The following COX7A2L variants were observed in gnomAD, a reference collection of about 807,000 sequenced individuals.
COX7A2L encodes cytochrome c oxidase subunit 7A2 like, also known as cytochrome c oxidase subunit 7A2-like, mitochondrial.
A neutral mutation model predicts 14.2 loss-of-function variants in COX7A2L; 18 were observed. The ratio of observed to expected loss-of-function variants is 1.27; its 90% CI spans 0.88 to 1.88. The LOEUF (loss-of-function observed/expected upper bound fraction) is 1.88. COX7A2L is among the 40% of genes most tolerant of loss of function. The pLI is 0.00. For missense variants in COX7A2L, 179 were observed against 138.8 expected, an observed-to-expected ratio of 1.29 and a Z score of -1.46; for synonymous variants, 65 against 57.4, an observed-to-expected ratio of 1.13 and a Z score of -0.60.
downstream of COX7A2L, among the ~76,000 whole-genome samples, chr2:42,347,231 G>A (rs866530356): frequency 2.0e-5 from 3 of 151,294 alleles, no homozygotes; most frequent in Middle Eastern, 3.5e-3. Flanking sequence ...CAAAAAGTTT[G>A]GTAATATTTT....
In COX7A2L at chr2:42,350,457, C is replaced by G. The variant is rs889387357; in HGVS notation, c.*762G>C. 3.3e-5 allele frequency: 5 copies of G among 152,198 alleles called. No homozygotes were observed. The highest frequency in any genetic ancestry group is 7.3e-5 in the Non-Finnish European group (5 of 68,044). 9.4% of individuals were successfully genotyped at this position (152,198 alleles called of 1,614,324 possible). A position where few individuals can be genotyped will look rare whatever the true frequency, so the allele number is the denominator to read the frequency against. Reference sequence around the variant, plus strand: ...TCAGGTTTAAGATGCTGCTGGTGTTCTGAAATTACTCTGAAAGGTCATTCA... The same window carrying G: ...TCAGGTTTAAGATGCTGCTGGTGTTGTGAAATTACTCTGAAAGGTCATTCA... On this transcript the variant is annotated 3_prime_UTR_variant, in exon 3 of 3. Coordinates refer to ENST00000234301, the MANE Select transcript of COX7A2L (RefSeq NM_004718.4).
intron 2 of COX7A2L, among the ~76,000 whole-genome samples, chr2:42,340,927 T>C (rs555618011): frequency 1.3e-5 from 2 of 152,220 alleles, no homozygotes; most frequent in South Asian, 4.1e-4. Context: ...GGGCAAATGG[T>C]CGGCACCTCT....
At chr2:42,347,125 A>G (rs1670513338), downstream of COX7A2L, among the ~76,000 whole-genome samples, 2 of 152,170 alleles carry the variant, frequency 1.3e-5, no homozygotes. Flanking sequence ...TCAGCCTCCC[A>G]ACATGCTGGG....
At chr2:42,343,285 A>C (rs6739976) in intron 2 of COX7A2L, among the ~76,000 whole-genome samples, 73,344 of 152,070 alleles carry the variant, frequency 0.48, 18,222 homozygotes, top group East Asian at 0.74. Context: ...TTCCTCAATA[A>C]CAAGGCCGTT....
chr2:42,345,744 T>A (rs1282349472), downstream of COX7A2L, among the ~76,000 whole-genome samples: 1 of 152,148 alleles, frequency 6.6e-6, no homozygotes, highest in Non-Finnish European at 1.5e-5. Flanking sequence ...CTTGTGTGGG[T>A]ACCCCATGAA....
rs1670341503 is a variant in COX7A2L, at chr2:42,338,812, G to C, written c.193-4943C>G. 6.6e-6 allele frequency among the ~76,000 whole-genome samples: 1 copy of C among 152,224 alleles called. No individual in the cohort carries two copies. The highest frequency in any genetic ancestry group is 2.1e-4 in the South Asian group (1 of 4,836). ...TTTCCAGTGAGTGGAGGTGGGTTTA[G>C]GTGTTATCTGTGCGGCAGAGGTACC... On this transcript the variant is annotated intron_variant, in intron 2 of 2. Transcript: ENST00000468711. The surrounding 1 kb of genome is among the most constrained non-coding windows in gnomAD (Gnocchi z 4.4).
rs2103883521 is a variant in COX7A2L at position 42,349,397 on chromosome 2, CAT to C, written c.*1820_*1821del. ...ATGAAATGTCCAGGAAAGACAAATCCATAGAGACTGAAAGTAGATGAGTGCTT... is the reference window on the plus strand; with the variant it reads ...ATGAAATGTCCAGGAAAGACAAATCCAGAGACTGAAAGTAGATGAGTGCTT... On this transcript the variant is annotated 3_prime_UTR_variant, in exon 3 of 3. Coordinates refer to ENST00000234301, the MANE Select transcript of COX7A2L (RefSeq NM_004718.4). 6.6e-6 allele frequency: 1 copy of C among 152,218 alleles called. No individual in the cohort carries two copies. Among genetic ancestry groups the C allele is most frequent in the African/African-American group, 2.4e-5 (1 of 41,528 alleles). 9.4% of individuals were successfully genotyped at this position (152,218 alleles called of 1,614,324 possible).
intron 1 of COX7A2L, among the ~76,000 whole-genome samples, chr2:42,367,510 T>C (rs1671188524): frequency 1.3e-5 from 2 of 152,090 alleles, no homozygotes; most frequent in Non-Finnish European, 2.9e-5. Context: ...GAGGAAGTTA[T>C]CAATCAGTGA....
chr2:42,351,433 A>C (rs992113063), intron 2 of COX7A2L, 74 bp from the exon 3 acceptor site: 20 of 1,552,176 alleles, frequency 1.3e-5, no homozygotes, highest in Non-Finnish European at 1.7e-5. Flanking sequence ...AAAAATAACA[A>C]ATTTGTCTAC....
downstream of COX7A2L, among the ~76,000 whole-genome samples, chr2:42,345,898 C>A (rs1184838797): frequency 2.6e-5 from 4 of 152,138 alleles, no homozygotes; most frequent in Admixed American, 2.6e-4. Flanking sequence ...CTCATCCAGA[C>A]AGCACTGAGA....
In COX7A2L at chr2:42,353,221, C is replaced by G. The variant is rs746499613; in HGVS notation, c.195G>C (p.Lys65Asn). 3 of 1,613,882 alleles carry G rather than the reference C, an allele frequency of 1.9e-6. No individual in the cohort carries two copies. In the South Asian group the frequency reaches 3.3e-5, roughly 18 times the overall value. ...AGKNKVPELQ[K>N]FFQKADGVPV... is the part of the protein sequence containing the mutation. ...GAGTATCTTCCCTCACCTGGAAAAA[C>G]TTTTGTAGCTCTGGAACTTTGTTTT... The change falls in exon 2 of 3, where the codon AAG becomes AAC. Residue 65 changes from lysine to asparagine, a missense_variant. Lys to Asn is a moderately conservative substitution (Grantham distance 94, BLOSUM62 0). Coordinates refer to ENST00000234301, the MANE Select transcript of COX7A2L (RefSeq NM_004718.4).
At chr2:42,365,873 C>T (rs1008704975), upstream of COX7A2L, 1 of 152,088 alleles carries the variant, frequency 6.6e-6, no homozygotes, top group Non-Finnish European at 1.5e-5. Context: ...TTCTTCCTAG[C>T]GCTGTTGGAG....
At chr2:42,365,914 G>C (rs1558639094), upstream of COX7A2L, 1 of 152,092 alleles carries the variant, frequency 6.6e-6, no homozygotes, top group Non-Finnish European at 1.5e-5. Flanking sequence ...AAATGAATAA[G>C]AACAAACATA....
chr2:42,347,028 C>G (rs997304995), downstream of COX7A2L, among the ~76,000 whole-genome samples: 6 of 152,064 alleles, frequency 3.9e-5, no homozygotes, highest in African/African-American at 1.2e-4. Context: ...TCTCCTGCCT[C>G]AGCCCTTTTT....
At chr2:42,357,468 C>A (rs1670859959) in intron 1 of COX7A2L, among the ~76,000 whole-genome samples, 1 of 152,080 alleles carries the variant, frequency 6.6e-6, no homozygotes. Flanking sequence ...TTCACCATAC[C>A]CAGCTAATTT....
In COX7A2L at chr2:42,342,279, T is replaced by A. The variant is rs1048039371; in HGVS notation, c.193-8410A>T. On this transcript the variant is annotated intron_variant, in intron 2 of 2. Transcript: ENST00000468711. This position sits in a 1 kb window ranked among gnomAD's most constrained non-coding sequence, Gnocchi z 4.9. ...CCTGCCTCTTCCACCCTAGCCTAGC[T>A]GCCCTTCCCTGCTCTCTCCCTCTCC... 1.3e-5 allele frequency among the ~76,000 whole-genome samples: 2 copies of A among 152,106 alleles called. No individual in the cohort carries two copies. The highest frequency in any genetic ancestry group is 4.8e-5 in the African/African-American group (2 of 41,428).
At position 42,338,593 on chromosome 2, in the gene COX7A2L, C is replaced by T. The variant is rs1278986890; in HGVS notation, c.193-4724G>A. Among the ~76,000 whole-genome samples the T allele has an allele frequency of 2.0e-5, 3 of 152,074 alleles. No homozygotes were observed. Among genetic ancestry groups the T allele is most frequent in the African/African-American group, 7.2e-5 (3 of 41,382 alleles). On this transcript the variant is annotated intron_variant, in intron 2 of 2. Coordinates refer to the COX7A2L transcript ENST00000468711. This position sits in a 1 kb window ranked among gnomAD's most constrained non-coding sequence, Gnocchi z 4.4. Reference sequence around the variant, plus strand: ...GATGATTAATTATGAACCAAGAATCCCCCCGATAGGACTCAGCCCCCACCA... The same window carrying T: ...GATGATTAATTATGAACCAAGAATCTCCCCGATAGGACTCAGCCCCCACCA...
At position 42,353,200 on chromosome 2, in the gene COX7A2L, A is replaced by G; in HGVS notation, c.204+12T>C. On this transcript the variant is annotated intron_variant, in intron 2 of 2. Coordinates refer to ENST00000234301, the MANE Select transcript of COX7A2L (RefSeq NM_004718.4). Reference sequence around the variant, plus strand: ...TTCACAGGCTTTTCTGTTGTAGAGTATCTTCCCTCACCTGGAAAAACTTTT... The same window carrying G: ...TTCACAGGCTTTTCTGTTGTAGAGTGTCTTCCCTCACCTGGAAAAACTTTT... The G allele has an allele frequency of 6.2e-7, 1 of 1,613,386 alleles. No individual in the cohort carries two copies. Among genetic ancestry groups the G allele is most frequent in the South Asian group, 1.1e-5 (1 of 90,820 alleles).
chr2:42,343,522 G>A (rs1444436873), intron 2 of COX7A2L, among the ~76,000 whole-genome samples: 1 of 152,190 alleles, frequency 6.6e-6, no homozygotes, highest in East Asian at 1.9e-4. Context: ...GGAGCTCTAG[G>A]GACAGGGCCC....
Sources: gnomAD v4.1 joint callset for allele counts (sites outside exome capture counted in the v4.1 genomes callset) on GRCh38, gnomAD v4.1.1 for gene constraint, Gnocchi (gnomAD v3.1) non-coding constraint, MANE v1.5 for transcripts, NCBI Gene and HGNC (gene_info 2026-07-23, HGNC 2026-07-21) for gene names.